PRR16: variants seen among roughly 807,000 people sequenced by gnomAD.
PRR16 encodes proline rich 16, also known as protein Largen.
Under a neutral mutation model 18.2 loss-of-function variants are expected in PRR16, and 6 were observed. The ratio of observed to expected loss-of-function variants is 0.33; its 90% CI spans 0.18 to 0.65. PRR16 has a LOEUF of 0.65. Among genes scored for constraint, PRR16 ranks in the 30% least tolerant of loss-of-function variants. The pLI is 0.74. For missense variants in PRR16, 412 were observed against 376.6 expected (o/e 1.09, Z -0.78); for synonymous variants, 151 against 147.8 (o/e 1.02, Z -0.16).
At chr5:120,586,198 G>T (rs902013423) in intron 1 of PRR16, among the ~76,000 whole-genome samples, 1 of 151,704 alleles carries the variant, frequency 6.6e-6, no homozygotes, top group African/African-American at 2.4e-5. Flanking sequence ...GTTTTTGATT[G>T]ATGAACACAA....
chr5:120,759,637 A>T, the PRR16 span, among the ~76,000 whole-genome samples: 1 of 152,168 alleles, frequency 6.6e-6, no homozygotes, highest in Non-Finnish European at 1.5e-5. Context: ...CAAAACTCAT[A>T]AAACTTTATA....
At position 120,686,280 on chromosome 5, in the gene PRR16, A is replaced by C; in HGVS notation, c.486A>C (p.Gly162=). 6.2e-7 allele frequency: 1 copy of C among 1,614,104 alleles called. No homozygotes were observed. Among genetic ancestry groups the C allele is most frequent in the Non-Finnish European group, 8.5e-7 (1 of 1,180,032 alleles). The change falls in exon 2 of 2, where the codon GGA becomes GGC. Residue 162 remains glycine (G), a synonymous_variant. Transcript: ENST00000407149. The stretch of plus-strand genomic sequence containing the variant: ...TACGAAATGGAGGCTTACCAGGTGG[A>C]CCTAACAAAATTCCAAATGGAGATA... ...TLLRNGGLPG[G]PNKIPNGDIC...
chr5:120,544,639 T>G, intron 1 of PRR16, among the ~76,000 whole-genome samples: 1 of 152,154 alleles, frequency 6.6e-6, no homozygotes, highest in East Asian at 1.9e-4. Context: ...TTCTGTATAT[T>G]TTTATTTTAT....
the PRR16 span, among the ~76,000 whole-genome samples, chr5:120,731,446 T>C: frequency 6.6e-6 from 1 of 152,112 alleles, no homozygotes; most frequent in Non-Finnish European, 1.5e-5. Context: ...TGTATATACT[T>C]TTTCTCAAGT....
chr5:120,707,478 C>T, the PRR16 span, among the ~76,000 whole-genome samples: 1 of 152,190 alleles, frequency 6.6e-6, no homozygotes, highest in Non-Finnish European at 1.5e-5. Context: ...TCATTTAAAA[C>T]TATTGTAAGC....
At chr5:120,619,550 T>C (rs1754620643) in intron 1 of PRR16, among the ~76,000 whole-genome samples, 1 of 152,086 alleles carries the variant, frequency 6.6e-6, no homozygotes. Flanking sequence ...GACTAGCAGT[T>C]GTCACTCAAA....
chr5:120,698,640 TG>T, the PRR16 span, among the ~76,000 whole-genome samples: 1 of 151,974 alleles, frequency 6.6e-6, no homozygotes, highest in Admixed American at 6.6e-5. Context: ...GGAATGAGAC[TG>T]GGGCCTAATA....
the PRR16 span, among the ~76,000 whole-genome samples, chr5:120,712,374 C>T: frequency 1.3e-5 from 2 of 152,040 alleles, no homozygotes; most frequent in African/African-American, 4.8e-5. Context: ...ACCCTTTGAC[C>T]TACAGCTATA....
intron 1 of PRR16, among the ~76,000 whole-genome samples, chr5:120,595,187 A>G (rs1753760658): frequency 6.6e-6 from 1 of 152,002 alleles, no homozygotes; most frequent in Non-Finnish European, 1.5e-5. Context: ...AACCTATAAA[A>G]TGGAAGAAAG....
chr5:120,724,566 A>C, the PRR16 span, among the ~76,000 whole-genome samples: 1 of 152,132 alleles, frequency 6.6e-6, no homozygotes, highest in Non-Finnish European at 1.5e-5. Context: ...TGATTAAATC[A>C]CTCATTACAT....
At chr5:120,753,869 A>ATT in the PRR16 span, among the ~76,000 whole-genome samples, 1 of 59,686 alleles carries the variant, frequency 1.7e-5, no homozygotes, top group Non-Finnish European at 3.0e-5. Context: ...TATCTTATAT[A>ATT]TTATATATTT....
intron 1 of PRR16, among the ~76,000 whole-genome samples, chr5:120,517,314 C>G (rs1481728483): frequency 6.6e-6 from 1 of 152,110 alleles, no homozygotes; most frequent in African/African-American, 2.4e-5. Flanking sequence ...GAACATTACA[C>G]TTGAAGCAGA....
At chr5:120,710,681 T>A in the PRR16 span, 12 of 152,254 alleles carry the variant, frequency 7.9e-5, no homozygotes, top group South Asian at 2.5e-3. Context: ...TGTATTATTA[T>A]TATTTTTTAA....
At chr5:120,610,804 A>G (rs1208089072) in intron 1 of PRR16, among the ~76,000 whole-genome samples, 2 of 152,150 alleles carry the variant, frequency 1.3e-5, no homozygotes, top group African/African-American at 2.4e-5. Flanking sequence ...ATTGGTACCA[A>G]TAGAGTGGGG....
intron 1 of PRR16, among the ~76,000 whole-genome samples, chr5:120,487,128 G>A (rs572508789): frequency 1.1e-4 from 17 of 152,266 alleles, no homozygotes; most frequent in South Asian, 6.2e-4. Flanking sequence ...TTGGCAATGC[G>A]TGCTCTTTTC....
At position 120,686,276 on chromosome 5, in the gene PRR16, G is replaced by A; in HGVS notation, c.482G>A (p.Gly161Asp). 2 of 1,614,076 alleles carry A rather than the reference G, an allele frequency of 1.2e-6. No homozygotes were observed. Among genetic ancestry groups the A allele is most frequent in the Non-Finnish European group, 1.7e-6 (2 of 1,180,028 alleles). Residue 161 changes from glycine to aspartate, a missense_variant, in exon 2 of 2, where the codon GGT becomes GAT. By Grantham distance (94) the Gly-to-Asp change is moderately conservative (BLOSUM62 -1). Transcript: ENST00000407149. The part of the protein sequence containing the change: ...GTLLRNGGLP[G>D]GPNKIPNGDI... ...CTTCTACGAAATGGAGGCTTACCAGGTGGACCTAACAAAATTCCAAATGGA... is the reference window on the plus strand; with the variant it reads ...CTTCTACGAAATGGAGGCTTACCAGATGGACCTAACAAAATTCCAAATGGA...
intron 1 of PRR16, among the ~76,000 whole-genome samples, chr5:120,551,560 A>G (rs896930247): frequency 2.6e-5 from 4 of 152,050 alleles, no homozygotes; most frequent in African/African-American, 7.2e-5. Context: ...TTTCTTTTGT[A>G]TACTGGAAAT....
At chr5:120,782,130 T>TA in the PRR16 span, among the ~76,000 whole-genome samples, 6 of 152,166 alleles carry the variant, frequency 3.9e-5, no homozygotes, top group Non-Finnish European at 5.9e-5. Flanking sequence ...AATACCAATC[T>TA]AAACTGAGTG....
intron 1 of PRR16, among the ~76,000 whole-genome samples, chr5:120,669,128 A>T (rs1051536959): frequency 6.6e-6 from 1 of 152,186 alleles, no homozygotes; most frequent in Non-Finnish European, 1.5e-5. Flanking sequence ...AAACAGTCTC[A>T]AAATGTTGAA....
Sources: allele counts gnomAD v4.1 joint callset (sites outside exome capture counted in the v4.1 genomes callset), GRCh38; gene constraint gnomAD v4.1.1; transcripts MANE v1.5; gene names NCBI Gene and HGNC (gene_info 2026-07-23, HGNC 2026-07-21).